ZNF644: variants seen among roughly 807,000 people sequenced by gnomAD.
ZNF644 encodes the protein zinc finger protein 644, also known as zinc finger motif enhancer binding protein 2.
In ZNF644, 20 loss-of-function variants were observed where a neutral mutation model predicts 108.0. The observed-to-expected ratio is 0.19, with a 90% CI of 0.13 to 0.27. The LOEUF (loss-of-function observed/expected upper bound fraction) is 0.27. Ranked by LOEUF, ZNF644 falls within the 10% of genes least tolerant of loss-of-function variation. The pLI is 1.00. For synonymous variants in ZNF644, 542 were observed against 539.1 expected, an observed-to-expected ratio of 1.01 and a Z score of -0.08; for missense variants, 1,338 against 1,548.9, an observed-to-expected ratio of 0.86 and a Z score of 2.29.
At chr1:90,971,954 A>G (rs1046334083) in intron 2 of ZNF644, among the ~76,000 whole-genome samples, 1 of 152,180 alleles carries the variant, frequency 6.6e-6, no homozygotes, top group Non-Finnish European at 1.5e-5. Context: ...TTAAGCATAC[A>G]GTGTAAAGGC....
At chr1:90,927,988 C>T (rs1463534979) in intron 4 of ZNF644, among the ~76,000 whole-genome samples, 16 of 151,756 alleles carry the variant, frequency 1.1e-4, no homozygotes, top group Middle Eastern at 3.4e-3. Context: ...GGATTACAGG[C>T]GCCCACCACC....
chr1:90,939,233 C>T lies in ZNF644; in HGVS notation c.2121G>A (p.Lys707=). Residue 707 remains lysine (K), a synonymous_variant, in exon 3 of 6, where the codon AAG becomes AAA. Transcript: ENST00000337393. The stretch of plus-strand genomic sequence containing the variant: ...CAACGCTGCTTTTAATTGTAACATT[C>T]TTATGAGGAGAGCTGTTTTGATTGC... ...NMCNQNSSPH[K]NVTIKSSVDQ... 1 of 1,613,986 alleles carries T rather than the reference C, an allele frequency of 6.2e-7. No individual in the cohort carries two copies. Among genetic ancestry groups the T allele is most frequent in the East Asian group, 2.2e-5 (1 of 44,874 alleles).
chr1:90,971,305 CA>C (rs1293699733), intron 2 of ZNF644, among the ~76,000 whole-genome samples: 3,008 of 120,402 alleles, frequency 0.025, 38 homozygotes, highest in Middle Eastern at 0.044. Context: ...ACAATTGATG[CA>C]AAAAAAAAAA....
chr1:91,001,363 A>T (rs1029921566), intron 1 of ZNF644, among the ~76,000 whole-genome samples: 2 of 152,234 alleles, frequency 1.3e-5, no homozygotes, highest in Admixed American at 1.3e-4. Flanking sequence ...CATCCCTGGG[A>T]TGCAAGGCTG....
At chr1:90,924,833 C>T (rs1649841870) in intron 4 of ZNF644, among the ~76,000 whole-genome samples, 2 of 152,106 alleles carry the variant, frequency 1.3e-5, no homozygotes, top group East Asian at 1.9e-4. Context: ...TTCTTCAAAC[C>T]CTAGGCATAC....
intron 2 of ZNF644, among the ~76,000 whole-genome samples, chr1:90,975,140 A>T (rs1655868033): frequency 6.6e-6 from 1 of 152,186 alleles, no homozygotes; most frequent in African/African-American, 2.4e-5. Flanking sequence ...ACATTTATTA[A>T]ATGTCTATGA....
chr1:90,943,179 C>T (rs548298254), intron 2 of ZNF644, among the ~76,000 whole-genome samples: 57 of 152,226 alleles, frequency 3.7e-4, no homozygotes, highest in African/African-American at 1.3e-3. Flanking sequence ...CGGTGGCTCA[C>T]TCCTGTAATC....
chr1:90,933,459 C>T (rs1461703443), intron 4 of ZNF644, among the ~76,000 whole-genome samples: 1 of 151,952 alleles, frequency 6.6e-6, no homozygotes, highest in Non-Finnish European at 1.5e-5. Context: ...GTCAGGAGTT[C>T]GAGACCAGCC....
chr1:91,016,652 T>C (rs1660462694), intron 1 of ZNF644, among the ~76,000 whole-genome samples: 2 of 152,210 alleles, frequency 1.3e-5, no homozygotes, highest in Non-Finnish European at 2.9e-5. Context: ...AAGAAACTAA[T>C]GAAAGAGATA....
At chr1:91,005,914 A>G (rs1264822335) in intron 1 of ZNF644, among the ~76,000 whole-genome samples, 1 of 151,984 alleles carries the variant, frequency 6.6e-6, no homozygotes, top group Non-Finnish European at 1.5e-5. Flanking sequence ...AGAACACAGC[A>G]GAAATAGAGA....
chr1:90,983,841 C>G (rs1207156705), intron 1 of ZNF644, among the ~76,000 whole-genome samples: 1 of 152,200 alleles, frequency 6.6e-6, no homozygotes, highest in East Asian at 1.9e-4. Flanking sequence ...GCAGGATAAT[C>G]TTGCTTGAAC....
intron 5 of ZNF644, among the ~76,000 whole-genome samples, 163 bp from the exon 6 acceptor site, chr1:90,917,153 A>C (rs962492225): frequency 6.6e-6 from 1 of 152,228 alleles, no homozygotes; most frequent in Non-Finnish European, 1.5e-5. Context: ...AAAACTCCCA[A>C]TTCATATGTT....
rs552782893 is a variant in ZNF644, at chr1:91,002,187, T to A, written c.-18+19803A>T. 2.7e-3 allele frequency among the ~76,000 whole-genome samples: 407 copies of A among 152,250 alleles called. 2 individuals carry two copies. Among genetic ancestry groups the A allele is most frequent in the African/African-American group, 9.4e-3 (389 of 41,546 alleles). ...GAACTGGAAAAAACTACTTTAAAGT[T>A]CATATGGAACCAAAAAAGAGCCCGC... On this transcript the variant is annotated intron_variant, in intron 1 of 5. Coordinates refer to ENST00000337393, the MANE Select transcript of ZNF644 (RefSeq NM_201269.3).
At chr1:90,929,866 A>AT (rs371958293) in intron 4 of ZNF644, among the ~76,000 whole-genome samples, 2 of 152,214 alleles carry the variant, frequency 1.3e-5, no homozygotes, top group African/African-American at 4.8e-5. Context: ...CACTGACTTG[A>AT]TTTTTTAAAA....
At chr1:90,990,621 G>A (rs1657548855) in intron 1 of ZNF644, among the ~76,000 whole-genome samples, 1 of 152,156 alleles carries the variant, frequency 6.6e-6, no homozygotes, top group Admixed American at 6.5e-5. Flanking sequence ...CATGAGGGCA[G>A]AGTACTGAAG....
At chr1:90,954,570 C>A (rs1455294310) in intron 2 of ZNF644, among the ~76,000 whole-genome samples, 1 of 152,098 alleles carries the variant, frequency 6.6e-6, no homozygotes, top group Non-Finnish European at 1.5e-5. Flanking sequence ...CCACGCCCGG[C>A]TAATTTTTGT....
At chr1:91,016,463 T>TA (rs1161475190) in intron 1 of ZNF644, among the ~76,000 whole-genome samples, 3 of 152,208 alleles carry the variant, frequency 2.0e-5, no homozygotes, top group African/African-American at 7.2e-5. Context: ...CATGTTATTG[T>TA]ACTGAATACC....
intron 2 of ZNF644, among the ~76,000 whole-genome samples, chr1:90,942,835 TCTC>T (rs988950522): frequency 1.3e-5 from 2 of 152,182 alleles, no homozygotes; most frequent in African/African-American, 4.8e-5. Flanking sequence ...CCATATTTCT[TCTC>T]CTTTTTTGCA....
At chr1:91,017,220 A>C (rs1660509057) in intron 1 of ZNF644, among the ~76,000 whole-genome samples, 2 of 152,184 alleles carry the variant, frequency 1.3e-5, no homozygotes, top group South Asian at 4.1e-4. Flanking sequence ...TGCCTTCATC[A>C]CTCTAACCCA....
Sources: gnomAD v4.1 joint callset for allele counts (sites outside exome capture counted in the v4.1 genomes callset) on GRCh38, gnomAD v4.1.1 for gene constraint, MANE v1.5 for transcripts, NCBI Gene and HGNC (gene_info 2026-07-23, HGNC 2026-07-21) for gene names.